VARS1: variants seen among roughly 807,000 people sequenced by gnomAD.
VARS1 encodes the protein valyl-tRNA synthetase 1.
VARS1 carries 92 observed loss-of-function variants against 161.0 expected under a neutral mutation model. The observed-to-expected ratio is 0.57, with a 90% CI of 0.48 to 0.68. The LOEUF (loss-of-function observed/expected upper bound fraction) is 0.68. VARS1 is among the 30% of genes least tolerant of loss of function. The probability of loss-of-function intolerance (pLI) is 0.00; values close to 1 mark genes in which losing one functional copy is unlikely to be tolerated. For synonymous variants in VARS1, 595 were observed against 682.5 expected (o/e 0.87, Z 2.00); for missense variants, 1,338 against 1,695.9 (o/e 0.79, Z 3.71).
In VARS1 at chr6:31,791,351, A is replaced by C. The variant is rs1432700947; in HGVS notation, c.1100+259T>G. On this transcript the variant is annotated intron_variant, in intron 8 of 29. Transcript: ENST00000375663. The surrounding 1 kb of genome is among the most constrained non-coding windows in gnomAD (Gnocchi z 5.0). ...CAAAGTGAAAACTCATCTTTACAAA[A>C]AATTAAATTAAATTAAATTAAAATT... 6.6e-6 allele frequency among the ~76,000 whole-genome samples: 1 copy of C among 152,062 alleles called. No homozygotes were observed. Among genetic ancestry groups the C allele is most frequent in the African/African-American group, 2.4e-5 (1 of 41,408 alleles).
rs746534004 is a variant in VARS1 at position 31,781,152 on chromosome 6, A to T, written c.2545-29T>A. On this transcript the variant is annotated intron_variant, in intron 21 of 29. Coordinates refer to ENST00000375663, the MANE Select transcript of VARS1 (RefSeq NM_006295.3). The surrounding 1 kb of genome is among the most constrained non-coding windows in gnomAD (Gnocchi z 6.8). The stretch of plus-strand genomic sequence containing the variant: ...CAGAGCAGGTGGGGAGGCCCATGAG[A>T]CTCAGTCCTCTCCTTCCCCGGCCTC... The T allele has an allele frequency of 5.6e-6, 9 of 1,609,550 alleles. No individual in the cohort carries two copies. The South Asian group carries it at 6.6e-5, about 12-fold the overall frequency.
chr6:31,780,546 C>T lies in VARS1; in HGVS notation c.2820G>A (p.Val940=). ...AGTGGCGGTAACCCAGTATCCGGTT[C>T]ACATCCAGGTTGATGTCACGACCTG... ...MSQGRDINLD[V]NRILGYRHFC... Residue 940 remains valine (V), a synonymous_variant, in exon 25 of 30, where the codon GTG becomes GTA. Coordinates refer to ENST00000375663, the MANE Select transcript of VARS1 (RefSeq NM_006295.3). The surrounding 1 kb of genome is among the most constrained non-coding windows in gnomAD (Gnocchi z 5.1). The T allele has an allele frequency of 6.2e-7, 1 of 1,613,836 alleles. No homozygotes were observed.
rs1291357262 is a variant in VARS1 at position 31,795,244 on chromosome 6, G to C, written c.-27C>G. 2.1e-6 allele frequency: 3 copies of C among 1,400,372 alleles called. No homozygotes were observed. The highest frequency in any genetic ancestry group is 2.5e-5 in the Admixed American group (1 of 40,748). 86.7% of individuals were successfully genotyped at this position (1,400,372 alleles called of 1,614,324 possible). ...GTTATGAGAAGGTCCGAACGAAGTG[G>C]AAAAACCTAAGGAGAAAGAGAGACA... On this transcript the variant is annotated 5_prime_UTR_variant, in exon 2 of 30. Coordinates refer to ENST00000375663, the MANE Select transcript of VARS1 (RefSeq NM_006295.3). This position sits in a 1 kb window ranked among gnomAD's most constrained non-coding sequence, Gnocchi z 6.9.
chr6:31,785,686 T>C lies in VARS1; in HGVS notation c.1148A>G (p.His383Arg). Residue 383 changes from histidine to arginine, a missense_variant, in exon 9 of 30, where the codon CAT (histidine) becomes CGT (arginine). Coordinates refer to ENST00000375663, the MANE Select transcript of VARS1 (RefSeq NM_006295.3). This position sits in a 1 kb window ranked among gnomAD's most constrained non-coding sequence, Gnocchi z 6.1. The part of the protein sequence containing the change: ...ETTLWNPGCD[H>R]AGIATQVVVE... The stretch of plus-strand genomic sequence containing the variant: ...CACCACCTGGGTGGCAATACCTGCA[T>C]GGTCACAGCCAGGGTTCCACAGGGT... The C allele has an allele frequency of 1.9e-6, 3 of 1,612,952 alleles. No individual in the cohort carries two copies. The highest frequency in any genetic ancestry group is 2.5e-6 in the Non-Finnish European group (3 of 1,180,006).
Position 31,780,428 on chromosome 6 carries a change from A to T in VARS1, c.2925+13T>A. ...GTGAGTGCTGCCAGCTTTGCTGCCC[A>T]CCAGGCCCTTACCTGGGAGGTGGGT... On this transcript the variant is annotated intron_variant, in intron 25 of 29. Coordinates refer to ENST00000375663, the MANE Select transcript of VARS1 (RefSeq NM_006295.3). The surrounding 1 kb of genome is among the most constrained non-coding windows in gnomAD (Gnocchi z 5.1). 6.2e-7 allele frequency: 1 copy of T among 1,609,958 alleles called. No homozygotes were observed.
intron 6 of VARS1, 76 bp downstream of exon 6, chr6:31,792,141 G>C: frequency 6.4e-7 from 1 of 1,568,994 alleles, no homozygotes; most frequent in Non-Finnish European, 8.7e-7. Context: ...AAAGTGGTGA[G>C]AGCAAGAATA....
chr6:31,785,302 A>G lies in VARS1; in HGVS notation c.1291T>C (p.Leu431=). ...TCCAAGGAGCTGCCAAGCTTCTTCA[A>G]CTGGTGGTAAATCCGGTCACCTTTC... ...EEKGDRIYHQ[L]KKLGSSLDWD... The change falls in exon 10 of 30, where the codon TTG becomes CTG. Residue 431 remains leucine, a synonymous_variant. Coordinates refer to ENST00000375663, the MANE Select transcript of VARS1 (RefSeq NM_006295.3). The surrounding 1 kb of genome is among the most constrained non-coding windows in gnomAD (Gnocchi z 6.1). 1 of 1,613,070 alleles carries G rather than the reference A, an allele frequency of 6.2e-7. No individual in the cohort carries two copies. The highest frequency in any genetic ancestry group is 8.5e-7 in the Non-Finnish European group (1 of 1,180,008).
chr6:31,778,802 A>T lies in VARS1; in HGVS notation c.3726+165T>A, dbSNP rs1812909797. On this transcript the variant is annotated intron_variant, in intron 29 of 29. Transcript: ENST00000375663. This position sits in a 1 kb window ranked among gnomAD's most constrained non-coding sequence, Gnocchi z 5.1. Reference sequence around the variant, plus strand: ...GATTACAGGTGTGAGCCACTGAGCCAGGCTGTTTTGTTTTTTAAGGCTAGT... The same window carrying T: ...GATTACAGGTGTGAGCCACTGAGCCTGGCTGTTTTGTTTTTTAAGGCTAGT... 1.1e-6 allele frequency: 1 copy of T among 948,506 alleles called. No homozygotes were observed. The highest frequency in any genetic ancestry group is 1.7e-5 in the South Asian group (1 of 58,748). 58.8% of individuals were successfully genotyped at this position (948,506 alleles called of 1,614,324 possible). A position where few individuals can be genotyped will look rare whatever the true frequency, so the allele number is the denominator to read the frequency against.
At chr6:31,786,818 C>T (rs1414490251) in intron 8 of VARS1, among the ~76,000 whole-genome samples, 2 of 151,934 alleles carry the variant, frequency 1.3e-5, no homozygotes, top group Non-Finnish European at 2.9e-5. Context: ...TGAAAGTTGG[C>T]ACTTCCTATC....
intron 2 of VARS1, 137 bp from the exon 3 acceptor site, chr6:31,793,257 C>T: frequency 8.1e-7 from 1 of 1,234,290 alleles, no homozygotes; most frequent in South Asian, 1.6e-5. Context: ...CTCAAATAGT[C>T]ACAATAAAAA....
At chr6:31,792,721 G>A (rs1040523448) in intron 4 of VARS1, 36 bp downstream of exon 4, 2 of 1,611,498 alleles carry the variant, frequency 1.2e-6, no homozygotes, top group African/African-American at 1.3e-5. Context: ...AGGCCCCAGG[G>A]AAGCCCCTAT....
At chr6:31,794,800 C>T in intron 2 of VARS1, 31 bp downstream of exon 2, 4 of 1,513,328 alleles carry the variant, frequency 2.6e-6, no homozygotes, top group East Asian at 2.3e-5. Flanking sequence ...CTGAATTTCT[C>T]CCCTCCCCCT....
intron 8 of VARS1, among the ~76,000 whole-genome samples, chr6:31,786,119 G>A (rs1813484697): frequency 6.6e-6 from 1 of 152,212 alleles, no homozygotes; most frequent in African/African-American, 2.4e-5. Context: ...AATTAGCTGG[G>A]CGTGGTGGCA....
Position 31,779,272 on chromosome 6 carries a change from C to T in VARS1, c.3421G>A (p.Glu1141Lys), listed in dbSNP as rs1445670549. The T allele has an allele frequency of 1.9e-6, 3 of 1,603,224 alleles. No homozygotes were observed. The highest frequency in any genetic ancestry group is 2.5e-6 in the Non-Finnish European group (3 of 1,179,580). The change falls in exon 29 of 30, where the codon GAG becomes AAG. Residue 1141 changes from glutamate to lysine, a missense_variant. Coordinates refer to ENST00000375663, the MANE Select transcript of VARS1 (RefSeq NM_006295.3). The surrounding 1 kb of genome is among the most constrained non-coding windows in gnomAD (Gnocchi z 9.1). ...GCCGATGCCAGGGCGCCCGTGGCCTCATCCGCCACTTCCAGGAAACCTGCC... is the reference window on the plus strand; with the variant it reads ...GCCGATGCCAGGGCGCCCGTGGCCTTATCCGCCACTTCCAGGAAACCTGCC... ...RPDCFLEVAD[E>K]ATGALASAVS... is the part of the protein sequence containing the mutation.
At position 31,782,484 on chromosome 6, in the gene VARS1, C is replaced by T; in HGVS notation, c.1992-41G>A. 6.2e-7 allele frequency: 1 copy of T among 1,612,536 alleles called. No individual in the cohort carries two copies. Among genetic ancestry groups the T allele is most frequent in the Non-Finnish European group, 8.5e-7 (1 of 1,179,776 alleles). On this transcript the variant is annotated intron_variant, in intron 16 of 29. Transcript: ENST00000375663. The surrounding 1 kb of genome is among the most constrained non-coding windows in gnomAD (Gnocchi z 8.3). ...GGTGAGAAGGCCAGGCGGTAAAACCCTGAGGAGCCCTCCATCTTCCTCCCG... is the reference window on the plus strand; with the variant it reads ...GGTGAGAAGGCCAGGCGGTAAAACCTTGAGGAGCCCTCCATCTTCCTCCCG...
Position 31,785,166 on chromosome 6 carries a change from C to T in VARS1, c.1347+80G>A, listed in dbSNP as rs2151424814. 3 of 1,555,202 alleles carry T rather than the reference C, an allele frequency of 1.9e-6. No homozygotes were observed. Among genetic ancestry groups the T allele is most frequent in the Admixed American group, 3.4e-5 (2 of 59,034 alleles). On this transcript the variant is annotated intron_variant, in intron 10 of 29. Coordinates refer to ENST00000375663, the MANE Select transcript of VARS1 (RefSeq NM_006295.3). This position sits in a 1 kb window ranked among gnomAD's most constrained non-coding sequence, Gnocchi z 6.1. ...GCCAGCTCCTGAGAGAGGGCCACAA[C>T]ACCTCTGCTTTCTCCTGTGGGGGTC...
At chr6:31,788,089 C>T (rs1362840502) in intron 8 of VARS1, among the ~76,000 whole-genome samples, 1 of 151,238 alleles carries the variant, frequency 6.6e-6, no homozygotes, top group Non-Finnish European at 1.5e-5. Context: ...CACTGCACTC[C>T]AGCCTGGGTG....
rs777222340 is a variant in VARS1, at chr6:31,781,066, C to A, written c.2602G>T (p.Gly868Cys). The A allele has an allele frequency of 6.2e-7, 1 of 1,613,750 alleles. No homozygotes were observed. The highest frequency in any genetic ancestry group is 1.1e-5 in the South Asian group (1 of 91,080). ...ACGTCCAGGGGATCGATGACATTGC[C>A]TAGAGACTTGCTCATCTTCCGGCCG... is the stretch of plus-strand genomic sequence containing the variant. ...AHGRKMSKSLGNVIDPLDVIY... is the reference protein window; with the variant it reads ...AHGRKMSKSLCNVIDPLDVIY... Residue 868 changes from glycine to cysteine, a missense_variant, in exon 22 of 30, where the codon GGC becomes TGC. This residue lies in a region of VARS1 where 433 missense variants were observed against 586.2 expected (regional missense o/e 0.74). Coordinates refer to ENST00000375663, the MANE Select transcript of VARS1 (RefSeq NM_006295.3). This position sits in a 1 kb window ranked among gnomAD's most constrained non-coding sequence, Gnocchi z 6.8.
chr6:31,789,916 T>A (rs1325072919), intron 8 of VARS1, among the ~76,000 whole-genome samples: 1 of 151,676 alleles, frequency 6.6e-6, no homozygotes, highest in Non-Finnish European at 1.5e-5. Context: ...CCTAGCTACT[T>A]GGGAGGCTGA....
Sources: gnomAD v4.1 joint callset for allele counts (sites outside exome capture counted in the v4.1 genomes callset) on GRCh38, gnomAD v4.1.1 for gene constraint, gnomAD v4.1.1 regional missense constraint, Gnocchi (gnomAD v3.1) non-coding constraint, MANE v1.5 for transcripts, NCBI Gene and HGNC (gene_info 2026-07-23, HGNC 2026-07-21) for gene names.